Variants in PRKAG2 observed in about 807,000 individuals in gnomAD.
The protein encoded by PRKAG2 is protein kinase AMP-activated non-catalytic subunit gamma 2.
In PRKAG2, 26 loss-of-function variants were observed where a neutral mutation model predicts 69.6. The observed-to-expected ratio is 0.37, with a 90% CI of 0.27 to 0.52. PRKAG2 has a LOEUF of 0.52. Among genes scored for constraint, PRKAG2 ranks in the 20% least tolerant of loss-of-function variants. The pLI is 0.90. For synonymous variants in PRKAG2, 293 were observed against 285.0 expected (o/e 1.03, Z -0.28); for missense variants, 557 against 740.0 (o/e 0.75, Z 2.87).
intron 10 of PRKAG2, among the ~76,000 whole-genome samples, chr7:151,569,108 C>T (rs181313563): frequency 1.4e-3 from 218 of 152,202 alleles, no homozygotes; most frequent in African/African-American, 4.8e-3. Context: ...TGCTCTGTTG[C>T]CTGCCGTCAT....
intron 3 of PRKAG2, among the ~76,000 whole-genome samples, chr7:151,759,773 C>T (rs866054446): frequency 3.3e-5 from 5 of 152,238 alleles, no homozygotes; most frequent in Non-Finnish European, 1.5e-5. Context: ...AGGTGGGCTC[C>T]GCCTGGCCAG....
chr7:151,618,876 G>T (rs577952122), intron 5 of PRKAG2, among the ~76,000 whole-genome samples: 2 of 152,328 alleles, frequency 1.3e-5, no homozygotes, highest in East Asian at 3.8e-4. Context: ...ATTATAAGGT[G>T]GCAGAATAAA....
chr7:151,609,693 C>G (rs775465176), intron 5 of PRKAG2, among the ~76,000 whole-genome samples: 4 of 152,076 alleles, frequency 2.6e-5, no homozygotes, highest in Non-Finnish European at 5.9e-5. Flanking sequence ...CCCTCAAGTT[C>G]CACACTTCTT....
chr7:151,758,773 T>C (rs2075248872), intron 3 of PRKAG2, among the ~76,000 whole-genome samples: 1 of 152,188 alleles, frequency 6.6e-6, no homozygotes, highest in Non-Finnish European at 1.5e-5. Flanking sequence ...AATAGGAAGT[T>C]ATCACGAGAG....
At chr7:151,773,027 G>C (rs6956650) in intron 3 of PRKAG2, among the ~76,000 whole-genome samples, 3 of 29,034 alleles carry the variant, frequency 1.0e-4, no homozygotes, top group Admixed American at 4.7e-4. Flanking sequence ...GAAAGAAAGA[G>C]AGAGAGAGAG....
chr7:151,559,338 G>A (rs965494054), intron 15 of PRKAG2: 39 of 985,074 alleles, frequency 4.0e-5, no homozygotes, highest in Middle Eastern at 5.2e-4. Context: ...ATTAACATTC[G>A]TTTAGTTCTT....
chr7:151,624,824 A>G (rs1428682587), intron 5 of PRKAG2, among the ~76,000 whole-genome samples: 1 of 152,192 alleles, frequency 6.6e-6, no homozygotes, highest in African/African-American at 2.4e-5. Context: ...TTAGCGCACC[A>G]TCAACATGGC....
chr7:151,736,162 TCCTCACCAGGGGGTCTTCAGGGCGA>T lies in PRKAG2; in HGVS notation c.466+44965_466+44989del, dbSNP rs1025323139. 2.0e-5 allele frequency: 29 copies of T among 1,443,916 alleles called. No individual in the cohort carries two copies. The Admixed American group carries it at 4.7e-4, about 23-fold the overall frequency. The allele number at this position is 1,443,916 out of a possible 1,614,324, so 89.4% of individuals were successfully genotyped here. On this transcript the variant is annotated intron_variant, in intron 3 of 15. Coordinates refer to ENST00000287878, the MANE Select transcript of PRKAG2 (RefSeq NM_016203.4). ...TCAGGTGACAGCCCGGGTTCAAGCG[TCCTCACCAGGGGGTCTTCAGGGCGA>T]CCTCACCGCAGCCCCAGAGTCTGTG...
intron 4 of PRKAG2, among the ~76,000 whole-genome samples, chr7:151,643,228 T>C (rs548409015): frequency 1.3e-5 from 2 of 152,350 alleles, no homozygotes; most frequent in Admixed American, 6.5e-5. Context: ...TTATAATACA[T>C]TGCAAATAAA....
At chr7:151,792,524 C>T (rs1334261671) in intron 1 of PRKAG2, among the ~76,000 whole-genome samples, 1 of 152,208 alleles carries the variant, frequency 6.6e-6, no homozygotes, top group Non-Finnish European at 1.5e-5. Context: ...ACAGCAGGTG[C>T]TAAGTGTATA....
chr7:151,642,151 C>T (rs142500061), intron 4 of PRKAG2, among the ~76,000 whole-genome samples: 1,984 of 150,432 alleles, frequency 0.013, 29 homozygotes, highest in African/African-American at 0.046. Context: ...CTGGCTAACA[C>T]GGTGAAACAC....
intron 15 of PRKAG2, 22 bp downstream of exon 15, chr7:151,560,502 A>G (rs993798424): frequency 6.2e-7 from 1 of 1,614,060 alleles, no homozygotes; most frequent in African/African-American, 1.3e-5. Flanking sequence ...CCGATGGCAA[A>G]GGTCAGAAAC....
rs1049943287 is a variant in PRKAG2 at position 151,780,290 on chromosome 7, T to C, written c.466+862A>G. 6.6e-6 allele frequency among the ~76,000 whole-genome samples: 1 copy of C among 152,194 alleles called. No homozygotes were observed. Among genetic ancestry groups the C allele is most frequent in the African/African-American group, 2.4e-5 (1 of 41,450 alleles). On this transcript the variant is annotated intron_variant, in intron 3 of 15. Coordinates refer to ENST00000287878, the MANE Select transcript of PRKAG2 (RefSeq NM_016203.4). The surrounding 1 kb of genome is among the most constrained non-coding windows in gnomAD (Gnocchi z 4.2). ...TTGCTGCCGCCTGGCCTTGCAGATA[T>C]AAAGCGTTGCTCTAACACACAGTAT...
At chr7:151,725,864 C>T (rs564170637) in intron 3 of PRKAG2, among the ~76,000 whole-genome samples, 3 of 152,130 alleles carry the variant, frequency 2.0e-5, no homozygotes, top group African/African-American at 4.8e-5. Context: ...CTCGAAATCC[C>T]GGTGGCTGAG....
At chr7:151,748,303 AATAG>A (rs1328702433) in intron 3 of PRKAG2, among the ~76,000 whole-genome samples, 2 of 152,202 alleles carry the variant, frequency 1.3e-5, no homozygotes, top group African/African-American at 4.8e-5. Context: ...CAATGTAAAC[AATAG>A]ATAGTATATC....
intron 15 of PRKAG2, chr7:151,558,537 T>A: frequency 1.1e-6 from 1 of 940,980 alleles, no homozygotes; most frequent in Non-Finnish European, 1.3e-6. Context: ...GTGGGACAGC[T>A]GGGACTTGGC....
intron 3 of PRKAG2, among the ~76,000 whole-genome samples, chr7:151,778,468 T>C (rs757016303): frequency 2.0e-5 from 3 of 152,152 alleles, no homozygotes; most frequent in African/African-American, 7.2e-5. Flanking sequence ...CAGCCTCAGG[T>C]ACTCCTTTAT....
intron 6 of PRKAG2, among the ~76,000 whole-genome samples, chr7:151,591,535 A>G (rs965666583): frequency 6.6e-6 from 1 of 151,752 alleles, no homozygotes; most frequent in African/African-American, 2.4e-5. Context: ...CACTGGAGAC[A>G]CCCCTCCAAT....
chr7:151,616,543 C>T (rs561746022), intron 5 of PRKAG2, among the ~76,000 whole-genome samples: 1 of 152,364 alleles, frequency 6.6e-6, no homozygotes, highest in South Asian at 2.1e-4. Context: ...AGAGAATCCA[C>T]AGACCCTTGA....
Sources: allele counts gnomAD v4.1 joint callset (sites outside exome capture counted in the v4.1 genomes callset), GRCh38; gene constraint gnomAD v4.1.1; non-coding constraint Gnocchi (gnomAD v3.1); transcripts MANE v1.5; gene names NCBI Gene and HGNC (gene_info 2026-07-23, HGNC 2026-07-21).